The following ROBO2 variants were observed in gnomAD, a reference collection of about 807,000 sequenced individuals.
ROBO2 encodes roundabout homolog 2.
A neutral mutation model predicts 160.8 loss-of-function variants in ROBO2; 53 were observed. The observed-to-expected ratio is 0.33, with a 90% CI of 0.26 to 0.41. The LOEUF is 0.41. Ranked by LOEUF, ROBO2 falls within the 10% of genes least tolerant of loss-of-function variation. The pLI, the probability that ROBO2 is intolerant of heterozygous loss-of-function variation, is 1.00. For synonymous variants in ROBO2, 664 were observed against 611.7 expected (o/e 1.09, Z -1.26); for missense variants, 1,577 against 1,722.4 (o/e 0.92, Z 1.49).
At chr3:76,067,130 G>C (rs1487773936) in intron 2 of ROBO2, among the ~76,000 whole-genome samples, 1 of 152,108 alleles carries the variant, frequency 6.6e-6, no homozygotes, top group Non-Finnish European at 1.5e-5. Flanking sequence ...TCTGGAGTCG[G>C]CTTTTTTGGT....
chr3:77,240,653 A>G (rs1452484583), intron 2 of ROBO2, among the ~76,000 whole-genome samples: 8 of 152,174 alleles, frequency 5.3e-5, no homozygotes, highest in Non-Finnish European at 1.5e-5. Flanking sequence ...CGAATACTGT[A>G]TTTTTGACCC....
chr3:76,435,136 G>A, intron 2 of ROBO2: 2 of 985,680 alleles, frequency 2.0e-6, no homozygotes, highest in South Asian at 2.5e-5. Flanking sequence ...AAGAAGCTTG[G>A]TCTGGTATTT....
At chr3:77,586,452 T>C (rs1401478391) in intron 16 of ROBO2, among the ~76,000 whole-genome samples, 1 of 152,144 alleles carries the variant, frequency 6.6e-6, no homozygotes, top group Non-Finnish European at 1.5e-5. Flanking sequence ...ATTAGTTTTG[T>C]TCTTCATTAC....
chr3:76,790,588 A>G (rs1438557269), intron 2 of ROBO2, among the ~76,000 whole-genome samples: 1 of 151,720 alleles, frequency 6.6e-6, no homozygotes, highest in Non-Finnish European at 1.5e-5. Context: ...TGCTCAGAAC[A>G]TTGTGTTACC....
chr3:76,943,936 A>G (rs1344606673), intron 2 of ROBO2, among the ~76,000 whole-genome samples: 2 of 152,202 alleles, frequency 1.3e-5, no homozygotes, highest in Admixed American at 6.5e-5. Context: ...AATAAATTAT[A>G]CAATGATTCA....
At chr3:76,091,162 C>T (rs1356429526) in intron 2 of ROBO2, among the ~76,000 whole-genome samples, 1 of 152,000 alleles carries the variant, frequency 6.6e-6, no homozygotes, top group Non-Finnish European at 1.5e-5. Flanking sequence ...GATAAGCTGC[C>T]AACTGAGAAT....
intron 2 of ROBO2, among the ~76,000 whole-genome samples, chr3:76,626,809 C>T (rs999089719): frequency 6.6e-6 from 1 of 152,116 alleles, no homozygotes; most frequent in Non-Finnish European, 1.5e-5. Context: ...TCTCCTGCCT[C>T]AGCCTCCCGA....
At chr3:76,402,982 G>A (rs1488319452) in intron 2 of ROBO2, among the ~76,000 whole-genome samples, 1 of 151,498 alleles carries the variant, frequency 6.6e-6, no homozygotes, top group African/African-American at 2.4e-5. Flanking sequence ...TGACAGTTTT[G>A]GAGATTCTGA....
At chr3:76,316,871 C>G (rs776142931) in intron 2 of ROBO2, among the ~76,000 whole-genome samples, 1 of 152,136 alleles carries the variant, frequency 6.6e-6, no homozygotes. Context: ...CGTTCAGGGT[C>G]CCTGACTTCC....
intron 2 of ROBO2, among the ~76,000 whole-genome samples, chr3:77,025,347 A>C (rs375228384): frequency 9.8e-5 from 15 of 152,290 alleles, no homozygotes; most frequent in Middle Eastern, 3.4e-3. Flanking sequence ...ACTAGAAAAC[A>C]AAATAGAATA....
chr3:76,883,344 A>T (rs1359907963), intron 2 of ROBO2, among the ~76,000 whole-genome samples: 1 of 152,104 alleles, frequency 6.6e-6, no homozygotes, highest in African/African-American at 2.4e-5. Flanking sequence ...CCTATTCTTA[A>T]TTATTTAACA....
At chr3:76,076,250 T>G (rs1314208822) in intron 2 of ROBO2, among the ~76,000 whole-genome samples, 1 of 152,194 alleles carries the variant, frequency 6.6e-6, no homozygotes, top group African/African-American at 2.4e-5. Flanking sequence ...TAACCATGTA[T>G]CAGAGTTTTT....
rs532088326 is a variant in ROBO2 at position 76,369,919 on chromosome 3, C to T, written c.109+432317C>T. ...CACATACCAGAAAGAACTCTGAACA[C>T]GTGACAGTAACACCACTATGCTTCA... On this transcript the variant is annotated intron_variant, in intron 2 of 26. Coordinates refer to the ROBO2 transcript ENST00000487694. Among the ~76,000 whole-genome samples the T allele has an allele frequency of 2.1e-4, 32 of 152,068 alleles. 1 individual carries two copies. Among genetic ancestry groups the T allele is most frequent in the Middle Eastern group, 3.4e-3 (1 of 294 alleles).
intron 2 of ROBO2, among the ~76,000 whole-genome samples, chr3:76,781,772 C>T (rs2062658454): frequency 1.3e-5 from 2 of 150,736 alleles, no homozygotes; most frequent in Admixed American, 6.6e-5. Context: ...TTTTAATGTG[C>T]TGTTGAATTT....
chr3:76,209,857 T>C (rs1452555024), intron 2 of ROBO2, among the ~76,000 whole-genome samples: 1 of 152,136 alleles, frequency 6.6e-6, no homozygotes, highest in Non-Finnish European at 1.5e-5. Context: ...TATTGAAGCA[T>C]TTAGAATTTA....
intron 2 of ROBO2, among the ~76,000 whole-genome samples, chr3:76,252,139 C>T (rs1324499353): frequency 1.3e-5 from 2 of 151,828 alleles, no homozygotes; most frequent in Non-Finnish European, 2.9e-5. Flanking sequence ...TATTTTAATA[C>T]CAAATTTAAT....
chr3:76,643,993 T>A (rs536310068), intron 2 of ROBO2, among the ~76,000 whole-genome samples: 2 of 152,354 alleles, frequency 1.3e-5, no homozygotes, highest in East Asian at 3.9e-4. Context: ...TTTATCAAAC[T>A]TTTTTGTCAT....
intron 1 of ROBO2, among the ~76,000 whole-genome samples, chr3:77,091,472 C>A (rs936088236): frequency 6.6e-6 from 1 of 152,098 alleles, no homozygotes; most frequent in African/African-American, 2.4e-5. Flanking sequence ...GTTTGAGAGT[C>A]TCTGAGAAGC....
At chr3:76,985,599 AAAAAAAG>A (rs2060334703) in intron 2 of ROBO2, among the ~76,000 whole-genome samples, 1 of 151,150 alleles carries the variant, frequency 6.6e-6, no homozygotes, top group Admixed American at 6.6e-5. Flanking sequence ...AAAAAAAAAA[AAAAAAAG>A]AAGATAATCT....
Sources: gnomAD v4.1 joint callset for allele counts (sites outside exome capture counted in the v4.1 genomes callset) on GRCh38, gnomAD v4.1.1 for gene constraint, MANE v1.5 for transcripts, NCBI Gene and HGNC (gene_info 2026-07-23, HGNC 2026-07-21) for gene names.